NXPE2: variants seen among roughly 807,000 people sequenced by gnomAD.
NXPE2 encodes NXPE family member 2.
Under a neutral mutation model 34.4 loss-of-function variants are expected in NXPE2, and 34 were observed. The observed-to-expected ratio is 0.99, with a 90% confidence interval of 0.75 to 1.31. The LOEUF is 1.31. Among genes scored for constraint, NXPE2 ranks in the 40% most tolerant of loss-of-function variants. The pLI, the probability that NXPE2 is intolerant of heterozygous loss-of-function variation, is 0.00. For missense variants in NXPE2, 649 were observed against 672.5 expected (o/e 0.97, Z 0.39); for synonymous variants, 235 against 231.3 (o/e 1.02, Z -0.15).
chr11:114,640,410 T>C, the NXPE2 span, among the ~76,000 whole-genome samples: 2 of 151,342 alleles, frequency 1.3e-5, no homozygotes, highest in Non-Finnish European at 2.9e-5. Flanking sequence ...TGAATTGTGC[T>C]GCAATATATA....
the NXPE2 span, among the ~76,000 whole-genome samples, chr11:114,729,203 G>A: frequency 2.0e-5 from 3 of 152,022 alleles, no homozygotes; most frequent in South Asian, 2.1e-4. Context: ...GTTGCTTAGC[G>A]TAATGGCCTC....
the NXPE2 span, among the ~76,000 whole-genome samples, chr11:114,473,259 T>C: frequency 6.6e-6 from 1 of 152,236 alleles, no homozygotes; most frequent in Non-Finnish European, 1.5e-5. Context: ...TTTCTCAACA[T>C]TTCCTTTTTG....
chr11:114,733,335 T>C, the NXPE2 span, among the ~76,000 whole-genome samples: 2 of 152,176 alleles, frequency 1.3e-5, no homozygotes, highest in South Asian at 2.1e-4. Flanking sequence ...CCTCGTGATC[T>C]GCCCGCCTTG....
the NXPE2 span, among the ~76,000 whole-genome samples, chr11:114,560,683 C>T: frequency 4.6e-5 from 7 of 152,138 alleles, no homozygotes; most frequent in Non-Finnish European, 5.9e-5. Flanking sequence ...TTATTTAATT[C>T]ACCAATACAG....
At chr11:114,751,410 G>A in the NXPE2 span, among the ~76,000 whole-genome samples, 2 of 152,214 alleles carry the variant, frequency 1.3e-5, no homozygotes, top group East Asian at 1.9e-4. Context: ...TTCCTAATGT[G>A]TCCTAGTATT....
chr11:114,664,544 A>G, the NXPE2 span, among the ~76,000 whole-genome samples: 1 of 152,132 alleles, frequency 6.6e-6, no homozygotes, highest in African/African-American at 2.4e-5. Context: ...ACATTTGCTC[A>G]CTGTCAGACT....
At chr11:114,510,141 T>C in the NXPE2 span, among the ~76,000 whole-genome samples, 384 of 152,344 alleles carry the variant, frequency 2.5e-3, 4 homozygotes, top group Middle Eastern at 0.01. Flanking sequence ...TCTAAAATTC[T>C]AAACCCATCC....
chr11:114,589,173 G>C, the NXPE2 span, among the ~76,000 whole-genome samples: 1 of 152,238 alleles, frequency 6.6e-6, no homozygotes, highest in Non-Finnish European at 1.5e-5. Flanking sequence ...AGCCTGTGGT[G>C]GGGACCACTG....
the NXPE2 span, among the ~76,000 whole-genome samples, chr11:114,765,793 T>G: frequency 6.6e-6 from 1 of 152,202 alleles, no homozygotes; most frequent in Non-Finnish European, 1.5e-5. Flanking sequence ...TCCTGCCTTC[T>G]TACTTGTGAG....
the NXPE2 span, among the ~76,000 whole-genome samples, chr11:114,613,962 G>A: frequency 6.7e-5 from 10 of 149,970 alleles, no homozygotes; most frequent in East Asian, 6.0e-4. Flanking sequence ...ACTGTTTACC[G>A]GTGGATAATA....
the NXPE2 span, among the ~76,000 whole-genome samples, chr11:114,570,200 A>G: frequency 6.6e-6 from 1 of 152,112 alleles, no homozygotes; most frequent in Non-Finnish European, 1.5e-5. Flanking sequence ...TTAATTTAAT[A>G]AACTCTCCTG....
chr11:114,551,009 G>T, the NXPE2 span: 1 of 658,278 alleles, frequency 1.5e-6, no homozygotes. Context: ...GGTGGGGGAG[G>T]AGGGGCAGGA....
At chr11:114,788,816 A>T in the NXPE2 span, among the ~76,000 whole-genome samples, 1 of 152,212 alleles carries the variant, frequency 6.6e-6, no homozygotes, top group African/African-American at 2.4e-5. Flanking sequence ...CTGCATCACG[A>T]ATCATCATAT....
At chr11:114,723,901 T>A in the NXPE2 span, among the ~76,000 whole-genome samples, 1 of 152,284 alleles carries the variant, frequency 6.6e-6, no homozygotes, top group Admixed American at 6.5e-5. Flanking sequence ...TTCACTAATC[T>A]TTTGTGTGCA....
the NXPE2 span, among the ~76,000 whole-genome samples, chr11:114,628,851 T>G: frequency 1.3e-5 from 2 of 151,674 alleles, no homozygotes; most frequent in African/African-American, 4.9e-5. Flanking sequence ...TCACCACCGA[T>G]CCCACAGAAA....
the NXPE2 span, chr11:114,580,250 A>G: frequency 6.2e-7 from 1 of 1,614,046 alleles, no homozygotes. Context: ...TACAGGAGAC[A>G]GGATTCCATG....
At chr11:114,482,499 G>C in the NXPE2 span, among the ~76,000 whole-genome samples, 1 of 152,250 alleles carries the variant, frequency 6.6e-6, no homozygotes, top group African/African-American at 2.4e-5. Context: ...TTGGGATTTA[G>C]AGCATATTTT....
chr11:114,524,409 T>C, the NXPE2 span, among the ~76,000 whole-genome samples: 460 of 152,336 alleles, frequency 3.0e-3, 1 homozygote, highest in African/African-American at 0.011. Context: ...TAGTGCATCA[T>C]TACATGGTTG....
the NXPE2 span, among the ~76,000 whole-genome samples, chr11:114,760,237 C>A: frequency 5.3e-5 from 8 of 152,122 alleles, no homozygotes; most frequent in Non-Finnish European, 1.2e-4. Flanking sequence ...ATCAAAGAGA[C>A]CTTAGAGACC....
Sources: allele counts gnomAD v4.1 joint callset (sites outside exome capture counted in the v4.1 genomes callset), GRCh38; gene constraint gnomAD v4.1.1; transcripts MANE v1.5; gene names NCBI Gene and HGNC (gene_info 2026-07-23, HGNC 2026-07-21).